CTNNA3: variants seen among roughly 807,000 people sequenced by gnomAD.
The protein encoded by CTNNA3 is catenin alpha-3.
In CTNNA3, 76 loss-of-function variants were observed where a neutral mutation model predicts 95.7. That is an observed-to-expected ratio of 0.79 (90% CI 0.66 to 0.96). The LOEUF is 0.96. Among genes scored for constraint, CTNNA3 ranks in the 40% least tolerant of loss-of-function variants. CTNNA3 has a pLI of 0.00. For missense variants in CTNNA3, 1,191 were observed against 1,089.8 expected (o/e 1.09, Z -1.31); for synonymous variants, 431 against 374.4 (o/e 1.15, Z -1.74).
intron 1 of CTNNA3, among the ~76,000 whole-genome samples, chr10:67,755,998 C>T (rs1841431158): frequency 6.6e-6 from 1 of 151,928 alleles, no homozygotes; most frequent in Admixed American, 6.6e-5. Context: ...GAATGAAATC[C>T]TCTCATTTGC....
chr10:67,724,372 A>G (rs3125310), intron 1 of CTNNA3, among the ~76,000 whole-genome samples: 15,454 of 152,216 alleles, frequency 0.1, 1,173 homozygotes, highest in African/African-American at 0.21. Flanking sequence ...TAGATGGGGT[A>G]CAGGTAGAAG....
intron 5 of CTNNA3, among the ~76,000 whole-genome samples, chr10:67,509,090 G>T (rs575099784): frequency 5.9e-5 from 9 of 152,042 alleles, no homozygotes; most frequent in Non-Finnish European, 1.3e-4. Flanking sequence ...TGGCCAGGCT[G>T]GTCTTGAACT....
chr10:66,709,605 A>G (rs1044129648), intron 9 of CTNNA3, among the ~76,000 whole-genome samples: 1 of 152,082 alleles, frequency 6.6e-6, no homozygotes, highest in Admixed American at 6.6e-5. Context: ...TTTATTCCTT[A>G]TTACTTCTTC....
At chr10:66,436,741 T>A (rs1226051320) in intron 11 of CTNNA3, among the ~76,000 whole-genome samples, 1 of 152,050 alleles carries the variant, frequency 6.6e-6, no homozygotes, top group Non-Finnish European at 1.5e-5. Context: ...TGATGCTAGC[T>A]GGTTATTTTG....
chr10:67,195,610 C>T (rs1008760122), intron 6 of CTNNA3, among the ~76,000 whole-genome samples: 3 of 151,846 alleles, frequency 2.0e-5, no homozygotes, highest in African/African-American at 7.3e-5. Context: ...AGCCATAGAC[C>T]CATATGAAGG....
chr10:66,262,380 T>A (rs1277470381), intron 13 of CTNNA3, among the ~76,000 whole-genome samples: 4 of 152,034 alleles, frequency 2.6e-5, no homozygotes, highest in Non-Finnish European at 5.9e-5. Flanking sequence ...TTTTTTCTGG[T>A]GTGTTGCCTT....
chr10:67,022,530 G>T (rs934831108), intron 7 of CTNNA3, among the ~76,000 whole-genome samples: 1 of 152,176 alleles, frequency 6.6e-6, no homozygotes, highest in Non-Finnish European at 1.5e-5. Flanking sequence ...GGAAGGTCAT[G>T]AATTTTAACT....
At chr10:67,265,491 A>T (rs1472664491) in intron 5 of CTNNA3, among the ~76,000 whole-genome samples, 1 of 152,104 alleles carries the variant, frequency 6.6e-6, no homozygotes, top group Non-Finnish European at 1.5e-5. Flanking sequence ...TTAAAAGGGG[A>T]ATAAAGATAA....
At chr10:66,653,384 C>G (rs764698113) in intron 9 of CTNNA3, among the ~76,000 whole-genome samples, 7 of 112,650 alleles carry the variant, frequency 6.2e-5, no homozygotes, top group Admixed American at 2.7e-4. Flanking sequence ...CAATAAAATA[C>G]GCAGAAATAA....
At chr10:67,069,557 GCCCCACCCCA>G (rs549930721) in intron 7 of CTNNA3, among the ~76,000 whole-genome samples, 1,694 of 96,332 alleles carry the variant, frequency 0.018, 15 homozygotes, top group African/African-American at 0.061. Flanking sequence ...ACAGCAGCCC[GCCCCACCCCA>G]CCCCACCCCA....
At chr10:67,580,533 C>T (rs1048778281) in intron 3 of CTNNA3, among the ~76,000 whole-genome samples, 15 of 151,670 alleles carry the variant, frequency 9.9e-5, no homozygotes, top group South Asian at 2.1e-4. Context: ...ATTGTCTTGG[C>T]GATGCGGGCT....
At chr10:66,682,215 C>T (rs4572026) in intron 9 of CTNNA3, among the ~76,000 whole-genome samples, 84,273 of 151,998 alleles carry the variant, frequency 0.55, 24,102 homozygotes, top group African/African-American at 0.68. Context: ...AGAGGGTCTG[C>T]CTCATTTTCT....
rs565620356 is a variant in CTNNA3, at chr10:67,100,274, G to A, written c.1047+80043C>T. Among the ~76,000 whole-genome samples, 3 of 151,782 alleles carry A rather than the reference G, an allele frequency of 2.0e-5. No individual in the cohort carries two copies. In the South Asian group the frequency reaches 6.2e-4, roughly 32 times the overall value. On this transcript the variant is annotated intron_variant, in intron 7 of 17. Coordinates refer to ENST00000433211, the MANE Select transcript of CTNNA3 (RefSeq NM_013266.4). ...GCAATCACCTTGGAACCACAGCTCT[G>A]TGCAACCAAGGCCCTAAGCTACACC... is the stretch of plus-strand genomic sequence containing the variant.
intron 2 of CTNNA3, among the ~76,000 whole-genome samples, chr10:67,644,251 T>C (rs60794732): frequency 0.13 from 20,178 of 152,104 alleles, 2,409 homozygotes; most frequent in African/African-American, 0.32. Flanking sequence ...TGGTATCTCA[T>C]TGTGGTTTTG....
At chr10:67,337,507 A>G (rs891532220) in intron 5 of CTNNA3, among the ~76,000 whole-genome samples, 1 of 152,246 alleles carries the variant, frequency 6.6e-6, no homozygotes, top group African/African-American at 2.4e-5. Flanking sequence ...GGAATATTAC[A>G]TAAACTTAGT....
intron 11 of CTNNA3, among the ~76,000 whole-genome samples, chr10:66,414,307 A>C (rs1412818095): frequency 6.6e-6 from 1 of 152,130 alleles, no homozygotes; most frequent in Non-Finnish European, 1.5e-5. Context: ...CATCCAAGAG[A>C]GAACACTGGA....
chr10:66,007,932 T>G, intron 15 of CTNNA3, among the ~76,000 whole-genome samples: 1 of 151,742 alleles, frequency 6.6e-6, no homozygotes. Context: ...TAAGTCACAG[T>G]GCCAGGATGT....
At chr10:67,312,075 CT>C (rs5785820) in intron 5 of CTNNA3, among the ~76,000 whole-genome samples, 103 of 142,296 alleles carry the variant, frequency 7.2e-4, no homozygotes, top group African/African-American at 1.5e-3. Context: ...ATTTAAATTA[CT>C]TTTTTTTTTT....
At chr10:67,297,784 C>T (rs1420672887) in intron 5 of CTNNA3, among the ~76,000 whole-genome samples, 1 of 152,214 alleles carries the variant, frequency 6.6e-6, no homozygotes. Flanking sequence ...GATTCGATAA[C>T]ACCTTGTTCA....
Sources: allele counts gnomAD v4.1 joint callset (sites outside exome capture counted in the v4.1 genomes callset), GRCh38; gene constraint gnomAD v4.1.1; transcripts MANE v1.5; gene names NCBI Gene and HGNC (gene_info 2026-07-23, HGNC 2026-07-21).